The following CDHR2 variants were observed in gnomAD, a reference collection of about 807,000 sequenced individuals.
CDHR2 encodes the protein cadherin related family member 2.
A neutral mutation model predicts 138.6 loss-of-function variants in CDHR2; 104 were observed. The observed-to-expected ratio is 0.75, with a 90% CI of 0.64 to 0.88. The LOEUF is 0.88. Among genes scored for constraint, CDHR2 ranks in the 40% least tolerant of loss-of-function variants. The pLI is 0.00. For missense variants in CDHR2, 1,624 were observed against 1,727.6 expected (o/e 0.94, Z 1.06); for synonymous variants, 755 against 742.8 (o/e 1.02, Z -0.27).
intron 30 of CDHR2, 120 bp downstream of exon 30, chr5:176,591,604 T>C: frequency 1.3e-6 from 1 of 747,100 alleles, no homozygotes; most frequent in African/African-American, 1.8e-5. Context: ...GTGGTCATGG[T>C]AGTAGTGGTA....
chr5:176,551,000 T>A (rs1034892228), intron 1 of CDHR2, among the ~76,000 whole-genome samples: 1 of 152,182 alleles, frequency 6.6e-6, no homozygotes, highest in Admixed American at 6.5e-5. Context: ...TGTGTCCTTT[T>A]TGGTCCTTCC....
chr5:176,586,664 G>A, intron 20 of CDHR2, 129 bp from the exon 21 acceptor site: 1 of 744,324 alleles, frequency 1.3e-6, no homozygotes, highest in East Asian at 2.7e-5. Flanking sequence ...GCTGTAATAG[G>A]GGTCTCTTTT....
At chr5:176,592,524 G>GTGT (rs1218038184) in intron 30 of CDHR2, among the ~76,000 whole-genome samples, 199 bp from the exon 31 acceptor site, 1 of 151,284 alleles carries the variant, frequency 6.6e-6, no homozygotes, top group African/African-American at 2.4e-5. Flanking sequence ...GATAGTGGTG[G>GTGT]TGGTGGTGTT....
At chr5:176,574,444 T>C (rs1323871907) in intron 7 of CDHR2, among the ~76,000 whole-genome samples, 1 of 152,168 alleles carries the variant, frequency 6.6e-6, no homozygotes, top group East Asian at 1.9e-4. Context: ...AAGGGGTGTG[T>C]AAACCCATTT....
chr5:176,587,265 T>C (rs1758691566), intron 21 of CDHR2, among the ~76,000 whole-genome samples: 1 of 151,940 alleles, frequency 6.6e-6, no homozygotes, highest in Non-Finnish European at 1.5e-5. Context: ...CTGACCAACA[T>C]GCAGAAACCC....
At chr5:176,588,590 T>C (rs1034217893) in intron 21 of CDHR2, among the ~76,000 whole-genome samples, 35 of 136,220 alleles carry the variant, frequency 2.6e-4, no homozygotes, top group Admixed American at 4.3e-4. Flanking sequence ...TGTGAGGGTG[T>C]GTATGAGTGT....
At position 176,553,665 on chromosome 5, in the gene CDHR2, C is replaced by T. The variant is rs2113254658; in HGVS notation, c.-16+4251C>T. Among the ~76,000 whole-genome samples the T allele has an allele frequency of 6.6e-6, 1 of 152,236 alleles. No homozygotes were observed. Among genetic ancestry groups the T allele is most frequent in the Admixed American group, 6.5e-5 (1 of 15,290 alleles). ...CCCTGGCTGTTCCTTACACAATGGA[C>T]ACCTGCAGTCTAGCAGTACCGCTAA... On this transcript the variant is annotated intron_variant, in intron 1 of 31. Transcript: ENST00000261944. This position sits in a 1 kb window ranked among gnomAD's most constrained non-coding sequence, Gnocchi z 4.3.
At position 176,589,442 on chromosome 5, in the gene CDHR2, A is replaced by G. The variant is rs1310347108; in HGVS notation, c.3117+4A>G. 2.5e-6 allele frequency: 4 copies of G among 1,605,012 alleles called. No homozygotes were observed. Among genetic ancestry groups the G allele is most frequent in the Non-Finnish European group, 3.4e-6 (4 of 1,173,870 alleles). Reference sequence around the variant, plus strand: ...GGAAGCCACCACCACCCTGAATGTGAGTGCTGGTCCCACCTCCAGCCCCCA... The same window carrying G: ...GGAAGCCACCACCACCCTGAATGTGGGTGCTGGTCCCACCTCCAGCCCCCA... On this transcript the variant is annotated splice_donor_region_variant and intron_variant, in intron 23 of 31. Transcript: ENST00000261944.
intron 16 of CDHR2, 83 bp from the exon 17 acceptor site, chr5:176,581,260 G>A (rs1758521630): frequency 6.4e-7 from 1 of 1,565,100 alleles, no homozygotes; most frequent in South Asian, 1.2e-5. Flanking sequence ...GGCCAGCGCT[G>A]GAGAGGAGGG....
rs776696280 is a variant in CDHR2 at position 176,591,434 on chromosome 5, A to C, written c.3684A>C (p.Lys1228Asn). ...RANPMLNLPN[K>N]DLGLEYLSPS... is the part of the protein sequence containing the mutation. ...ACCCCATGCTGAACCTCCCCAACAAAGACCTGGGCTTGGAGTACCTCTCTC... is the reference window on the plus strand; with the variant it reads ...ACCCCATGCTGAACCTCCCCAACAACGACCTGGGCTTGGAGTACCTCTCTC... The change falls in exon 30 of 32, where the codon AAA (lysine) becomes AAC (asparagine). Residue 1228 changes from lysine to asparagine, a missense_variant. Around this residue, in one of 3 missense-constraint regions of CDHR2, gnomAD observed 556 missense variants for 565.7 expected, o/e 0.98. Transcript: ENST00000261944. 46 of 1,613,896 alleles carry C rather than the reference A, an allele frequency of 2.9e-5. No homozygotes were observed. The highest frequency in any genetic ancestry group is 3.9e-5 in the Non-Finnish European group (46 of 1,180,022).
At chr5:176,589,729 C>G (rs1472626372) in intron 24 of CDHR2, 113 bp downstream of exon 24, 1 of 917,480 alleles carries the variant, frequency 1.1e-6, no homozygotes, top group Non-Finnish European at 1.7e-6. Context: ...CCACATTTGA[C>G]CTTGTCCCTG....
Position 176,584,421 on chromosome 5 carries a change from G to T in CDHR2, c.2140G>T (p.Gly714Cys). 6.3e-7 allele frequency: 1 copy of T among 1,598,124 alleles called. No homozygotes were observed. Among genetic ancestry groups the T allele is most frequent in the South Asian group, 1.1e-5 (1 of 88,474 alleles). ...VKEEDPGVLV[G>C]VVKAWDADQT... The stretch of plus-strand genomic sequence containing the variant: ...CCCCTTGTCCACAGGAGTGCTAGTG[G>T]GCGTGGTGAAGGCCTGGGACGCGGA... Residue 714 changes from glycine to cysteine, a missense_variant, in exon 19 of 32, where the codon GGC becomes TGC. Gly to Cys is a radical substitution (Grantham distance 159). Around this residue, in one of 3 missense-constraint regions of CDHR2, gnomAD observed 1,061 missense variants for 1,136.6 expected, o/e 0.93. Transcript: ENST00000261944.
At chr5:176,574,002 C>A in intron 6 of CDHR2, 81 bp from the exon 7 acceptor site, 1 of 1,103,984 alleles carries the variant, frequency 9.1e-7, no homozygotes, top group South Asian at 1.3e-5. Flanking sequence ...GCTGAGGACA[C>A]TGAAGCTCAG....
intron 1 of CDHR2, among the ~76,000 whole-genome samples, chr5:176,557,680 ATTTT>A (rs1161503103): frequency 4.1e-5 from 4 of 98,168 alleles, no homozygotes; most frequent in Admixed American, 1.4e-4. Context: ...TTATCTGTTG[ATTTT>A]TTTTTCTTTC....
chr5:176,590,376 C>G, intron 26 of CDHR2, 46 bp downstream of exon 26: 2 of 1,614,162 alleles, frequency 1.2e-6, no homozygotes, highest in Non-Finnish European at 1.7e-6. Flanking sequence ...GAGCAGGAAG[C>G]CTGGGGTGTG....
Position 176,578,372 on chromosome 5 carries a change from C to G in CDHR2, c.1582C>G (p.Leu528Val). 6.2e-7 allele frequency: 1 copy of G among 1,612,756 alleles called. No homozygotes were observed. The highest frequency in any genetic ancestry group is 2.2e-5 in the East Asian group (1 of 44,852). Residue 528 changes from leucine (L) to valine (V), a missense_variant, in exon 16 of 32, where the codon CTC becomes GTC. This residue lies in a region of CDHR2 where 1,061 missense variants were observed against 1,136.6 expected (regional missense o/e 0.93). Transcript: ENST00000261944. ...CCTGGCCCCTCTGAGCAGGGCAGAC[C>G]TCTTCCAAGTGGATCCCGTCTCAGG... ...YSLLPGNGAD[L>V]FQVDPVSGTV...
chr5:176,542,749 C>G (rs1420390490), exon 1 of CDHR2: 1 of 152,326 alleles, frequency 6.6e-6, no homozygotes, highest in Non-Finnish European at 1.5e-5. Flanking sequence ...GACCCCGCAG[C>G]GTTCCGACAT....
At position 176,576,224 on chromosome 5, in the gene CDHR2, G is replaced by A; in HGVS notation, c.1194+39G>A. 1 of 1,499,242 alleles carries A rather than the reference G, an allele frequency of 6.7e-7. No individual in the cohort carries two copies. 92.9% of individuals were successfully genotyped at this position (1,499,242 alleles called of 1,614,324 possible). A position where few individuals can be genotyped will look rare whatever the true frequency, so the allele number is the denominator to read the frequency against. On this transcript the variant is annotated intron_variant, in intron 12 of 31. Coordinates refer to ENST00000261944, the MANE Select transcript of CDHR2 (RefSeq NM_017675.6). This position sits in a 1 kb window ranked among gnomAD's most constrained non-coding sequence, Gnocchi z 4.5. ...CGTGGGTGTGGGCGGGGGTGGCTGGGGGAGGCCAGTGGGAGCCTGGATCGA... is the reference window on the plus strand; with the variant it reads ...CGTGGGTGTGGGCGGGGGTGGCTGGAGGAGGCCAGTGGGAGCCTGGATCGA...
chr5:176,557,445 G>A (rs532192814), intron 1 of CDHR2, among the ~76,000 whole-genome samples: 2 of 151,944 alleles, frequency 1.3e-5, no homozygotes, highest in African/African-American at 2.4e-5. Context: ...AGCTCAAGTG[G>A]TCCATCTGCC....
Sources: allele counts gnomAD v4.1 joint callset (sites outside exome capture counted in the v4.1 genomes callset), GRCh38; gene constraint gnomAD v4.1.1; regional missense constraint gnomAD v4.1.1; non-coding constraint Gnocchi (gnomAD v3.1); transcripts MANE v1.5; gene names NCBI Gene and HGNC (gene_info 2026-07-23, HGNC 2026-07-21).